The following MATN2 variants were observed in gnomAD, a reference collection of about 807,000 sequenced individuals.
The protein encoded by MATN2 is matrilin 2.
MATN2 carries 69 observed loss-of-function variants against 103.2 expected under a neutral mutation model. That is an observed-to-expected ratio of 0.67 (90% confidence interval 0.55 to 0.82). The LOEUF (loss-of-function observed/expected upper bound fraction) is 0.82. Ranked by LOEUF, MATN2 falls within the 40% of genes least tolerant of loss-of-function variation. The probability of loss-of-function intolerance (pLI) is 0.00; values close to 1 mark genes in which losing one functional copy is unlikely to be tolerated. For synonymous variants in MATN2, 429 were observed against 450.2 expected (o/e 0.95, Z 0.60); for missense variants, 1,023 against 1,211.5 (o/e 0.84, Z 2.31).
At chr8:97,874,849 C>T (rs1818016382) in intron 1 of MATN2, among the ~76,000 whole-genome samples, 2 of 151,984 alleles carry the variant, frequency 1.3e-5, no homozygotes, top group African/African-American at 2.4e-5. Flanking sequence ...TCCTGAGCAG[C>T]TGGGATTACA....
At position 97,950,152 on chromosome 8, in the gene MATN2, G is replaced by A. The variant is rs141928414; in HGVS notation, c.835+8253G>A. Among the ~76,000 whole-genome samples the A allele has an allele frequency of 2.8e-3, 420 of 152,278 alleles. 4 individuals carry two copies. Among genetic ancestry groups the A allele is most frequent in the African/African-American group, 9.6e-3 (398 of 41,546 alleles). ...ACACTTGAAGTATGTACAGTTTATTGTATGCCAGTTGTCACTCAATAAAGC... is the reference window on the plus strand; with the variant it reads ...ACACTTGAAGTATGTACAGTTTATTATATGCCAGTTGTCACTCAATAAAGC... On this transcript the variant is annotated intron_variant, in intron 4 of 18. Coordinates refer to ENST00000254898, the MANE Select transcript of MATN2 (RefSeq NM_002380.5).
intron 3 of MATN2, among the ~76,000 whole-genome samples, chr8:97,932,575 C>G (rs1256713204): frequency 6.6e-6 from 1 of 152,222 alleles, no homozygotes; most frequent in Non-Finnish European, 1.5e-5. Flanking sequence ...TTCCTTCCCA[C>G]GCACTTTCCA....
chr8:97,969,535 G>C (rs569471816), intron 5 of MATN2, among the ~76,000 whole-genome samples: 1 of 152,288 alleles, frequency 6.6e-6, no homozygotes, highest in Non-Finnish European at 1.5e-5. Context: ...GTGAAGGACT[G>C]AGCCTTGGAT....
chr8:97,934,455 A>G (rs567272042), intron 3 of MATN2, among the ~76,000 whole-genome samples: 29 of 152,362 alleles, frequency 1.9e-4, no homozygotes, highest in Non-Finnish European at 3.7e-4. Context: ...TCAGACAAAA[A>G]TGGTGAGCAT....
At chr8:97,977,166 G>T (rs980113719) in intron 5 of MATN2, among the ~76,000 whole-genome samples, 1 of 142,274 alleles carries the variant, frequency 7.0e-6, no homozygotes, top group Non-Finnish European at 1.5e-5. Context: ...AACCCAGGAG[G>T]TTGAGGCTGC....
intron 1 of MATN2, among the ~76,000 whole-genome samples, chr8:97,876,259 G>A (rs950843281): frequency 2.1e-4 from 31 of 146,746 alleles, no homozygotes; most frequent in African/African-American, 7.6e-4. Flanking sequence ...GCGCAATCTC[G>A]GCTCACTGCA....
chr8:98,030,894 C>T (rs1470399180), intron 15 of MATN2, among the ~76,000 whole-genome samples: 2 of 152,126 alleles, frequency 1.3e-5, no homozygotes, highest in Non-Finnish European at 2.9e-5. Context: ...AACTCCTGAC[C>T]TCAAGTGATC....
rs933644783 is a variant in MATN2 at position 98,031,111 on chromosome 8, A to T, written c.2509+497A>T. Among the ~76,000 whole-genome samples the T allele has an allele frequency of 5.3e-5, 8 of 152,072 alleles. No individual in the cohort carries two copies. In the South Asian group the frequency reaches 1.7e-3, roughly 32 times the overall value. Reference sequence around the variant, plus strand: ...AACCATTTTGGGAGGCTGCGGTGGGAGGATTGCTCGAGCCCAGGAGTTCAA... The same window carrying T: ...AACCATTTTGGGAGGCTGCGGTGGGTGGATTGCTCGAGCCCAGGAGTTCAA... On this transcript the variant is annotated intron_variant, in intron 15 of 18. Coordinates refer to ENST00000254898, the MANE Select transcript of MATN2 (RefSeq NM_002380.5).
intron 6 of MATN2, among the ~76,000 whole-genome samples, chr8:97,990,348 A>G (rs947524822): frequency 1.3e-5 from 2 of 152,230 alleles, no homozygotes; most frequent in African/African-American, 4.8e-5. Flanking sequence ...TGAGATAATC[A>G]TACCCACTAG....
chr8:97,933,482 T>C (rs1810265321), intron 3 of MATN2, among the ~76,000 whole-genome samples: 1 of 152,120 alleles, frequency 6.6e-6, no homozygotes, highest in Admixed American at 6.6e-5. Flanking sequence ...AAAGATAACA[T>C]GATAAGGCTG....
At chr8:97,964,582 G>A (rs1811424788) in intron 5 of MATN2, among the ~76,000 whole-genome samples, 1 of 151,788 alleles carries the variant, frequency 6.6e-6, no homozygotes, top group Non-Finnish European at 1.5e-5. Context: ...GGGACCACGT[G>A]TGTGCACCAC....
intron 2 of MATN2, among the ~76,000 whole-genome samples, chr8:97,902,813 G>A (rs1819033706): frequency 6.6e-6 from 1 of 152,226 alleles, no homozygotes. Flanking sequence ...CCATGGTGTG[G>A]GTCTACATTG....
chr8:97,900,941 C>G (rs994359746), intron 2 of MATN2, among the ~76,000 whole-genome samples: 3 of 151,828 alleles, frequency 2.0e-5, no homozygotes, highest in South Asian at 4.2e-4. Context: ...TCCCCGCCCC[C>G]CCAAAAAAAG....
At chr8:97,874,336 G>A (rs1301967252) in intron 1 of MATN2, among the ~76,000 whole-genome samples, 1 of 151,946 alleles carries the variant, frequency 6.6e-6, no homozygotes, top group Non-Finnish European at 1.5e-5. Context: ...AGCCAGCAAT[G>A]TCAGGCTGCA....
chr8:97,941,685 G>T (rs1395918945), intron 3 of MATN2, 92 bp from the exon 4 acceptor site: 9 of 1,411,626 alleles, frequency 6.4e-6, no homozygotes, highest in Non-Finnish European at 8.7e-6. Flanking sequence ...CTGCCCAGAG[G>T]AGAGAGTAGG....
At chr8:97,872,425 T>TG (rs1817925589) in intron 1 of MATN2, among the ~76,000 whole-genome samples, 1 of 152,214 alleles carries the variant, frequency 6.6e-6, no homozygotes, top group African/African-American at 2.4e-5. Flanking sequence ...TGTTGTTGTA[T>TG]TAGTTGCCTA....
In MATN2 at chr8:98,007,025, G is replaced by A. The variant is rs934915655; in HGVS notation, c.1328-80G>A. On this transcript the variant is annotated intron_variant, in intron 8 of 18. Transcript: ENST00000254898. This position sits in a 1 kb window ranked among gnomAD's most constrained non-coding sequence, Gnocchi z 4.2. ...CTTCCCTGTGGCTTGTTATGCCTCC[G>A]GTTTTGTTTTTGAATCTTGGTTGCT... The A allele has an allele frequency of 8.8e-6, 13 of 1,485,490 alleles. No homozygotes were observed. The highest frequency in any genetic ancestry group is 5.9e-5 in the Admixed American group (3 of 50,498). 92.0% of individuals were successfully genotyped at this position (1,485,490 alleles called of 1,614,324 possible).
chr8:97,982,623 G>A lies in MATN2; in HGVS notation c.1081+3615G>A, dbSNP rs2061054. Among the ~76,000 whole-genome samples, 17,054 of 152,150 alleles carry A rather than the reference G, an allele frequency of 0.11. 1,178 individuals are homozygous for A. Among genetic ancestry groups the A allele is most frequent in the East Asian group, 0.19 (976 of 5,182 alleles). ...GGTTAATTTATGATTAAGCAAAAAT[G>A]TACATAATAGGGCTTTATGTTCATG... On this transcript the variant is annotated intron_variant, in intron 6 of 18. Transcript: ENST00000254898. The surrounding 1 kb of genome is among the most constrained non-coding windows in gnomAD (Gnocchi z 4.3).
chr8:97,912,124 C>T (rs1809467206), intron 2 of MATN2, among the ~76,000 whole-genome samples: 1 of 152,234 alleles, frequency 6.6e-6, no homozygotes, highest in African/African-American at 2.4e-5. Context: ...CTTTATGTAA[C>T]AGGGAAATTG....
Sources: allele counts gnomAD v4.1 joint callset (sites outside exome capture counted in the v4.1 genomes callset), GRCh38; gene constraint gnomAD v4.1.1; non-coding constraint Gnocchi (gnomAD v3.1); transcripts MANE v1.5; gene names NCBI Gene and HGNC (gene_info 2026-07-23, HGNC 2026-07-21).